The following CIZ1 variants were observed in gnomAD, a reference collection of about 807,000 sequenced individuals.
CIZ1 encodes the protein CDKN1A interacting zinc finger protein 1, also known as cip1-interacting zinc finger protein.
In CIZ1, 58 loss-of-function variants were observed where a neutral mutation model predicts 118.6. The observed-to-expected ratio is 0.49, with a 90% CI of 0.40 to 0.61. The LOEUF (loss-of-function observed/expected upper bound fraction) is 0.61. Among genes scored for constraint, CIZ1 ranks in the 20% least tolerant of loss-of-function variants. CIZ1 has a pLI of 0.00. For missense variants in CIZ1, 921 were observed against 1,115.9 expected (o/e 0.83, Z 2.49); for synonymous variants, 448 against 443.4 (o/e 1.01, Z -0.13).
chr9:128,192,700 G>A (rs555939794), upstream of CIZ1, among the ~76,000 whole-genome samples: 11 of 152,208 alleles, frequency 7.2e-5, no homozygotes, highest in East Asian at 1.9e-3. Flanking sequence ...GGGCCACCAC[G>A]CCCGGCTAAT....
intron 5 of CIZ1, among the ~76,000 whole-genome samples, chr9:128,185,271 T>C (rs2130994704): frequency 6.6e-6 from 1 of 152,202 alleles, no homozygotes; most frequent in African/African-American, 2.4e-5. Flanking sequence ...AGAGCGAAAC[T>C]TCATCTCAAA....
rs748353462 is a variant in CIZ1 at position 128,177,673 on chromosome 9, G to A, written c.1711C>T (p.Arg571Cys). Reference sequence around the variant, plus strand: ...GTGGAGGAGACGGAGTCACTGGGGCGGGGGACAGGTGTCAGGGGTACAGTG... The same window carrying A: ...GTGGAGGAGACGGAGTCACTGGGGCAGGGGACAGGTGTCAGGGGTACAGTG... ...FSTVPLTPVP[R>C]PSDSVSSTPA... The change falls in exon 10 of 17, where the codon CGC (arginine) becomes TGC (cysteine). Residue 571 changes from arginine (R) to cysteine (C), a missense_variant. Physicochemically the swap from Arg to Cys is radical, Grantham distance 180 (BLOSUM62 -3). Coordinates refer to ENST00000372938, the MANE Select transcript of CIZ1 (RefSeq NM_001131016.2). The A allele has an allele frequency of 4.6e-5, 74 of 1,601,758 alleles. No homozygotes were observed. Among genetic ancestry groups the A allele is most frequent in the Non-Finnish European group, 6.0e-5 (70 of 1,174,534 alleles).
At chr9:128,187,988 C>T in intron 3 of CIZ1, 54 bp from the exon 4 acceptor site, 3 of 551,866 alleles carry the variant, frequency 5.4e-6, no homozygotes, top group Non-Finnish European at 1.0e-5. Flanking sequence ...CATCCATCCC[C>T]CCTGACTCAG....
rs1020000605 is a variant in CIZ1 at position 128,203,409 on chromosome 9, C to T, written c.-6+777G>A. 5.2e-6 allele frequency: 7 copies of T among 1,352,590 alleles called. No individual in the cohort carries two copies. Among genetic ancestry groups the T allele is most frequent in the Non-Finnish European group, 6.7e-6 (7 of 1,050,770 alleles). The allele number at this position is 1,352,590 out of a possible 1,614,324, so 83.8% of individuals were successfully genotyped here. A position where few individuals can be genotyped will look rare whatever the true frequency, so the allele number is the denominator to read the frequency against. ...GGGCGCGCGGCTGCAGCGGCGGAGC[C>T]GGAGTCGGAGCCGGGAGCGCTAGCG... On this transcript the variant is annotated intron_variant, in intron 1 of 17. Coordinates refer to the CIZ1 transcript ENST00000372948. This position sits in a 1 kb window ranked among gnomAD's most constrained non-coding sequence, Gnocchi z 5.3.
chr9:128,194,362 CAA>C (rs757286334), upstream of CIZ1, among the ~76,000 whole-genome samples: 7 of 74,174 alleles, frequency 9.4e-5, no homozygotes, highest in Admixed American at 5.1e-4. Flanking sequence ...AACTCCATCT[CAA>C]AAAAAAAAAA....
At chr9:128,202,673 C>G (rs1306478550) in intron 1 of CIZ1, 1 of 152,208 alleles carries the variant, frequency 6.6e-6, no homozygotes, top group Non-Finnish European at 1.5e-5. Flanking sequence ...CTTTCCACAC[C>G]CACAAAGATA....
Position 128,167,120 on chromosome 9 carries a change from C to A in CIZ1, c.2340G>T (p.Glu780Asp). ...CATATGCAGTATTGGGGCTGTAGGT[C>A]TCCGAGCCCTTCCACTCCTCTCTGG... Reference protein sequence around the residue: ...DISREEWKGSETYSPNTAYGV... With the variant: ...DISREEWKGSDTYSPNTAYGV... The change falls in exon 15 of 17, where the codon GAG becomes GAT. Residue 780 changes from glutamate to aspartate, a missense_variant. Transcript: ENST00000372938. 1 of 1,602,990 alleles carries A rather than the reference C, an allele frequency of 6.2e-7. No individual in the cohort carries two copies. The highest frequency in any genetic ancestry group is 8.5e-7 in the Non-Finnish European group (1 of 1,174,602).
chr9:128,185,873 C>A, intron 4 of CIZ1, 97 bp from the exon 5 acceptor site: 3 of 851,830 alleles, frequency 3.5e-6, no homozygotes, highest in Non-Finnish European at 5.8e-6. Flanking sequence ...TGGGAACATC[C>A]CAGATAATTG....
chr9:128,190,986 A>C, intron 1 of CIZ1, 124 bp from the exon 2 acceptor site: 8 of 1,339,756 alleles, frequency 6.0e-6, no homozygotes, highest in Non-Finnish European at 7.9e-6. Flanking sequence ...TCACAGCTGC[A>C]TTCCCAGTCC....
At chr9:128,191,982 T>TTA, upstream of CIZ1, 1 of 1,291,868 alleles carries the variant, frequency 7.7e-7, no homozygotes, top group Non-Finnish European at 1.0e-6. The surrounding 1 kb of genome is among the most constrained non-coding windows in gnomAD (Gnocchi z 5.5). Flanking sequence ...GGCCAAGGTC[T>TTA]TACAGTCCGT....
intron 5 of CIZ1, among the ~76,000 whole-genome samples, chr9:128,184,489 ATT>A (rs35204850): frequency 1.8e-3 from 203 of 112,082 alleles, no homozygotes; most frequent in Non-Finnish European, 2.3e-3. Context: ...GGCAGTGCTG[ATT>A]TTTTTTTTTT....
intron 15 of CIZ1, 23 bp downstream of exon 15, chr9:128,167,072 T>A: frequency 6.3e-7 from 1 of 1,587,950 alleles, no homozygotes. Context: ...CTCCTGCAGG[T>A]GGGCTCAGAG....
In CIZ1 at chr9:128,179,293, G is replaced by C; in HGVS notation, c.914C>G (p.Ala305Gly). ...TGGCTGGAATCGTGGCAGCACTTGG[G>C]CTTCCAGGGCCTCAGGCAGCAGGTC... ...TPDLLPEALE[A>G]QVLPRFQPRV... is the part of the protein sequence containing the mutation. Residue 305 changes from alanine (A) to glycine (G), a missense_variant, in exon 8 of 17, where the codon GCC (alanine) becomes GGC (glycine). By Grantham distance (60) the Ala-to-Gly change is moderately conservative. Transcript: ENST00000372938. 6.2e-7 allele frequency: 1 copy of C among 1,614,142 alleles called. No individual in the cohort carries two copies. The highest frequency in any genetic ancestry group is 1.1e-5 in the South Asian group (1 of 91,088).
Position 128,184,653 on chromosome 9 carries a change from C to T in CIZ1, c.588+894G>A, listed in dbSNP as rs549340611. 4.5e-4 allele frequency among the ~76,000 whole-genome samples: 68 copies of T among 151,930 alleles called. No homozygotes were observed. The South Asian group carries it at 0.013, about 29-fold the overall frequency. On this transcript the variant is annotated intron_variant, in intron 5 of 16. Coordinates refer to ENST00000372938, the MANE Select transcript of CIZ1 (RefSeq NM_001131016.2). ...GATTACAGGCATGCACTATCATGCC[C>T]TGATAATTTTATTTTTATTTATTTA...
In CIZ1 at chr9:128,166,612, A is replaced by G; in HGVS notation, c.2487+147T>C. On this transcript the variant is annotated intron_variant, in intron 16 of 16. Transcript: ENST00000372938. The surrounding 1 kb of genome is among the most constrained non-coding windows in gnomAD (Gnocchi z 4.4). ...AACAATAAGAGCCCAACCCCACCCC[A>G]GCTCTAATTCTCTCCCTGTTGGTGC... is the stretch of plus-strand genomic sequence containing the variant. 1 of 1,134,550 alleles carries G rather than the reference A, an allele frequency of 8.8e-7. No homozygotes were observed. 70.3% of individuals were successfully genotyped at this position (1,134,550 alleles called of 1,614,324 possible). A position where few individuals can be genotyped will look rare whatever the true frequency, so the allele number is the denominator to read the frequency against.
upstream of CIZ1, chr9:128,191,769 T>C: frequency 2.1e-6 from 3 of 1,411,864 alleles, no homozygotes; most frequent in Non-Finnish European, 2.8e-6. This position sits in a 1 kb window ranked among gnomAD's most constrained non-coding sequence, Gnocchi z 5.5. Flanking sequence ...AAGGGGAGGC[T>C]CGGAGACCAA....
At position 128,166,520 on chromosome 9, in the gene CIZ1, T is replaced by A; in HGVS notation, c.2488-114A>T. 1 of 1,017,922 alleles carries A rather than the reference T, an allele frequency of 9.8e-7. No individual in the cohort carries two copies. Among genetic ancestry groups the A allele is most frequent in the Non-Finnish European group, 1.4e-6 (1 of 701,866 alleles). The allele number at this position is 1,017,922 out of a possible 1,614,324, so 63.1% of individuals were successfully genotyped here. A position where few individuals can be genotyped will look rare whatever the true frequency, so the allele number is the denominator to read the frequency against. On this transcript the variant is annotated intron_variant, in intron 16 of 16. Coordinates refer to ENST00000372938, the MANE Select transcript of CIZ1 (RefSeq NM_001131016.2). This position sits in a 1 kb window ranked among gnomAD's most constrained non-coding sequence, Gnocchi z 4.4. ...ACAGTATTAGTGTGCTCTGTGACCC[T>A]GCGTGATGCACTCGGCCTCTCTGGG...
Position 128,178,844 on chromosome 9 carries a change from C to T in CIZ1, c.1363G>A (p.Val455Ile), listed in dbSNP as rs749855026. The stretch of plus-strand genomic sequence containing the variant: ...TCATGGGTCTGCTCTGGTGGCTGTA[C>T]TGACACCTGCGCTGGAGGATGCTCC... ...PQEHPPAQVSVQPPEQTHEQP... is the reference protein window; with the variant it reads ...PQEHPPAQVSIQPPEQTHEQP... The change falls in exon 8 of 17, where the codon GTA becomes ATA. Residue 455 changes from valine to isoleucine, a missense_variant. By Grantham distance (29) the Val-to-Ile change is conservative. Transcript: ENST00000372938. 6 of 1,614,096 alleles carry T rather than the reference C, an allele frequency of 3.7e-6. No individual in the cohort carries two copies. The highest frequency in any genetic ancestry group is 2.2e-5 in the South Asian group (2 of 91,092).
Position 128,180,760 on chromosome 9 carries a change from A to T in CIZ1, c.643T>A (p.Ser215Thr), listed in dbSNP as rs1364990041. The T allele has an allele frequency of 6.2e-7, 1 of 1,609,594 alleles. No individual in the cohort carries two copies. Residue 215 changes from serine (S) to threonine (T), a missense_variant, in exon 6 of 17, where the codon TCT (serine) becomes ACT (threonine). Physicochemically the swap from Ser to Thr is moderately conservative, Grantham distance 58 (BLOSUM62 1). Transcript: ENST00000372938. ...VEDKSDPPEG[S>T]EEAAEPRMDT... ...ATCCGGGGCTCTGCGGCTTCCTCAG[A>T]CCCCTCTGGGGGGTCTGACTTGTCT...
Sources: allele counts gnomAD v4.1 joint callset (sites outside exome capture counted in the v4.1 genomes callset), GRCh38; gene constraint gnomAD v4.1.1; non-coding constraint Gnocchi (gnomAD v3.1); transcripts MANE v1.5; gene names NCBI Gene and HGNC (gene_info 2026-07-23, HGNC 2026-07-21).